Variants in LRP1B observed in about 807,000 individuals in gnomAD.
LRP1B encodes low-density lipoprotein receptor-related protein 1B.
In LRP1B, 217 loss-of-function variants were observed where a neutral mutation model predicts 556.6. The ratio of observed to expected loss-of-function variants is 0.39; its 90% CI spans 0.35 to 0.44. LRP1B has a LOEUF of 0.44. Ranked by LOEUF, LRP1B falls within the 20% of genes least tolerant of loss-of-function variation. The pLI is 1.00. For missense variants in LRP1B, 5,053 were observed against 5,620.8 expected, an observed-to-expected ratio of 0.90 and a Z score of 3.23; for synonymous variants, 2,047 against 1,865.8, an observed-to-expected ratio of 1.10 and a Z score of -2.50.
chr2:141,522,174 G>GA (rs1350187056), intron 2 of LRP1B, among the ~76,000 whole-genome samples: 1 of 152,116 alleles, frequency 6.6e-6, no homozygotes, highest in African/African-American at 2.4e-5. Flanking sequence ...CACTGAACCA[G>GA]AAACTTTTGG....
At chr2:140,658,880 C>T (rs1574204477) in intron 41 of LRP1B, among the ~76,000 whole-genome samples, 1 of 151,912 alleles carries the variant, frequency 6.6e-6, no homozygotes, top group East Asian at 1.9e-4. Flanking sequence ...CAAATCTGTT[C>T]AGTGAGCTGA....
In LRP1B at chr2:141,826,390, C is replaced by T. The variant is rs551291222; in HGVS notation, c.83-15989G>A. 2.1e-3 allele frequency among the ~76,000 whole-genome samples: 261 copies of T among 122,770 alleles called. 1 individual carries two copies. Among genetic ancestry groups the T allele is most frequent in the African/African-American group, 7.9e-3 (252 of 32,072 alleles). 80.5% of individuals were successfully genotyped at this position (122,770 alleles called of 152,430 possible). On this transcript the variant is annotated intron_variant, in intron 1 of 90. Transcript: ENST00000389484. ...TTTTTTTTTTTTTGAGACGGAGTCTCGCTCTGTCCCCCAGGCTGGAGTGCA... is the reference window on the plus strand; with the variant it reads ...TTTTTTTTTTTTTGAGACGGAGTCTTGCTCTGTCCCCCAGGCTGGAGTGCA...
At chr2:140,387,263 A>T (rs929528367) in intron 66 of LRP1B, among the ~76,000 whole-genome samples, 1 of 152,158 alleles carries the variant, frequency 6.6e-6, no homozygotes, top group Non-Finnish European at 1.5e-5. Flanking sequence ...AATGCAACTT[A>T]CAGAATTCAG....
rs2128695 is a variant in LRP1B at position 141,582,604 on chromosome 2, T to A, written c.206-102071A>T. On this transcript the variant is annotated intron_variant, in intron 2 of 90. Transcript: ENST00000389484. Reference sequence around the variant, plus strand: ...TGAAATCTTGTCAGCCTGAACACAGTATTTGAAGATTTTTTTTTTTTTCTG... The same window carrying A: ...TGAAATCTTGTCAGCCTGAACACAGAATTTGAAGATTTTTTTTTTTTTCTG... 8.5e-3 allele frequency among the ~76,000 whole-genome samples: 1,297 copies of A among 151,940 alleles called. 19 individuals are homozygous for A. Among genetic ancestry groups the A allele is most frequent in the African/African-American group, 0.029 (1,181 of 41,396 alleles).
At chr2:141,136,637 A>G (rs1574112098) in intron 7 of LRP1B, among the ~76,000 whole-genome samples, 1 of 151,720 alleles carries the variant, frequency 6.6e-6, no homozygotes, top group East Asian at 1.9e-4. Context: ...GAGCAAAAAA[A>G]AAAAAAAAAT....
intron 32 of LRP1B, among the ~76,000 whole-genome samples, chr2:140,789,618 C>CAT (rs1690035426): frequency 1.4e-5 from 1 of 71,754 alleles, no homozygotes; most frequent in Non-Finnish European, 2.6e-5. Context: ...GCTTTAAGGA[C>CAT]TTTTTTTTTT....
chr2:141,561,743 G>A (rs746985825), intron 2 of LRP1B, among the ~76,000 whole-genome samples: 3 of 151,732 alleles, frequency 2.0e-5, no homozygotes, highest in Admixed American at 6.6e-5. Flanking sequence ...ACATGTTATA[G>A]TACAAAGACA....
At chr2:140,378,729 CT>C (rs1290506699) in intron 67 of LRP1B, among the ~76,000 whole-genome samples, 1 of 152,084 alleles carries the variant, frequency 6.6e-6, no homozygotes, top group Non-Finnish European at 1.5e-5. Context: ...TTGTATTTGA[CT>C]TTATATTATG....
chr2:140,403,704 G>C (rs1468498052), intron 66 of LRP1B, among the ~76,000 whole-genome samples: 2 of 152,168 alleles, frequency 1.3e-5, no homozygotes, highest in Non-Finnish European at 2.9e-5. Context: ...AAATTTATTT[G>C]AGGGAATAAT....
intron 3 of LRP1B, among the ~76,000 whole-genome samples, chr2:141,424,098 A>G (rs1381917121): frequency 4.8e-5 from 7 of 144,808 alleles, no homozygotes; most frequent in Non-Finnish European, 9.0e-5. Context: ...GGAGTTAACT[A>G]TTACAAGCCT....
intron 41 of LRP1B, among the ~76,000 whole-genome samples, chr2:140,678,863 C>T (rs547863425): frequency 4.0e-5 from 6 of 151,808 alleles, no homozygotes; most frequent in Admixed American, 1.3e-4. Context: ...CTGCAACCTC[C>T]GCCTCCCATG....
At chr2:141,796,378 G>C (rs1695812441) in intron 2 of LRP1B, among the ~76,000 whole-genome samples, 1 of 151,730 alleles carries the variant, frequency 6.6e-6, no homozygotes. Context: ...AGCAATGAAG[G>C]TATCATTAAT....
intron 1 of LRP1B, among the ~76,000 whole-genome samples, chr2:142,073,804 T>C (rs1380601223): frequency 2.0e-5 from 3 of 151,918 alleles, no homozygotes; most frequent in African/African-American, 2.4e-5. Context: ...TCTGGTTGTT[T>C]AAGAGTGTGT....
intron 66 of LRP1B, among the ~76,000 whole-genome samples, chr2:140,402,366 T>C (rs1384937818): frequency 6.6e-6 from 1 of 152,162 alleles, no homozygotes; most frequent in African/African-American, 2.4e-5. Context: ...AGAAGGGATC[T>C]CTTTTCTTCC....
chr2:141,729,614 C>G (rs986943956), intron 2 of LRP1B, among the ~76,000 whole-genome samples: 3 of 152,136 alleles, frequency 2.0e-5, no homozygotes, highest in Non-Finnish European at 4.4e-5. Flanking sequence ...GAAGAGAAAT[C>G]CACATTTTGT....
intron 1 of LRP1B, among the ~76,000 whole-genome samples, chr2:141,937,115 C>T (rs1346712842): frequency 6.6e-6 from 1 of 151,966 alleles, no homozygotes; most frequent in Non-Finnish European, 1.5e-5. Context: ...ATGTGCCAGG[C>T]GAGGTGGCTC....
chr2:141,704,190 A>C (rs1477452912), intron 2 of LRP1B, among the ~76,000 whole-genome samples: 1 of 151,936 alleles, frequency 6.6e-6, no homozygotes, highest in Non-Finnish European at 1.5e-5. Context: ...TTAGATCAGG[A>C]ATATTTTTGA....
At chr2:141,314,968 G>A (rs16855028) in intron 3 of LRP1B, among the ~76,000 whole-genome samples, 15,363 of 146,816 alleles carry the variant, frequency 0.1, 967 homozygotes, top group African/African-American at 0.16. Flanking sequence ...GCCTCTCCCC[G>A]CAAGAGCCTA....
At chr2:141,101,549 A>G (rs1379810689) in intron 7 of LRP1B, among the ~76,000 whole-genome samples, 1 of 152,168 alleles carries the variant, frequency 6.6e-6, no homozygotes, top group Non-Finnish European at 1.5e-5. Flanking sequence ...AGGAATCAAA[A>G]AATAATAAAA....
Sources: allele counts gnomAD v4.1 joint callset (sites outside exome capture counted in the v4.1 genomes callset), GRCh38; gene constraint gnomAD v4.1.1; transcripts MANE v1.5; gene names NCBI Gene and HGNC (gene_info 2026-07-23, HGNC 2026-07-21).